NLGN4X: variants seen among roughly 807,000 people sequenced by gnomAD.
NLGN4X encodes neuroligin-4, X-linked.
A neutral mutation model predicts 40.3 loss-of-function variants in NLGN4X; 3 were observed. The observed-to-expected ratio is 0.07, with a 90% CI of 0.03 to 0.19. The LOEUF is 0.19. Among genes scored for constraint, NLGN4X ranks in the 10% least tolerant of loss-of-function variants. The pLI, the probability that NLGN4X is intolerant of heterozygous loss-of-function variation, is 1.00. For synonymous variants in NLGN4X, 270 were observed against 306.8 expected (o/e 0.88, Z 1.25); for missense variants, 382 against 708.3 (o/e 0.54, Z 5.23).
intron 2 of NLGN4X, among the ~76,000 whole-genome samples, chrX:6,073,346 T>C (rs1287111161): frequency 8.9e-6 from 1 of 112,585 alleles, no homozygotes; most frequent in Non-Finnish European, 1.9e-5. Flanking sequence ...GTTGATGGGA[T>C]GAATTAATGA....
At chrX:6,010,720 G>A (rs2036231605) in intron 3 of NLGN4X, among the ~76,000 whole-genome samples, 1 of 109,056 alleles carries the variant, frequency 9.2e-6, no homozygotes, top group South Asian at 4.0e-4. Context: ...GTAGAGACGG[G>A]GTATTGCCAT....
intron 2 of NLGN4X, among the ~76,000 whole-genome samples, chrX:6,107,766 T>C (rs776419156): frequency 1.8e-5 from 2 of 111,925 alleles, no homozygotes; most frequent in African/African-American, 6.5e-5. Context: ...TGTGTACCCA[T>C]TGTTTAGCTC....
At chrX:6,195,531 T>A (rs1922961337) in intron 1 of NLGN4X, among the ~76,000 whole-genome samples, 1 of 112,540 alleles carries the variant, frequency 8.9e-6, no homozygotes, top group South Asian at 3.7e-4. Context: ...CCAAACACAG[T>A]CCCATGATGC....
chrX:6,149,349 C>G (rs949956658), intron 2 of NLGN4X, among the ~76,000 whole-genome samples: 5 of 112,151 alleles, frequency 4.5e-5, no homozygotes, highest in African/African-American at 1.6e-4. Flanking sequence ...TCACCAGACT[C>G]TAGCACATCC....
At chrX:5,991,293 T>C in intron 3 of NLGN4X, 1 of 335,103 alleles carries the variant, frequency 3.0e-6, no homozygotes, top group Non-Finnish European at 5.4e-6. Context: ...TGAGACATTG[T>C]TCTTCTTAGG....
intron 3 of NLGN4X, among the ~76,000 whole-genome samples, chrX:6,009,267 G>A (rs2036185431): frequency 8.9e-6 from 1 of 111,807 alleles, no homozygotes. Flanking sequence ...GGTAGAATTG[G>A]AGTATATACC....
chrX:6,107,917 G>A (rs1272505881), intron 2 of NLGN4X, among the ~76,000 whole-genome samples: 3 of 112,085 alleles, frequency 2.7e-5, no homozygotes, highest in Non-Finnish European at 5.6e-5. Context: ...ATTCTGTGTT[G>A]TAGATGTACT....
chrX:5,899,606 T>TA (rs1288898449), intron 5 of NLGN4X, among the ~76,000 whole-genome samples: 1 of 111,477 alleles, frequency 9.0e-6, no homozygotes, highest in East Asian at 2.8e-4. Context: ...GATGTCTTGG[T>TA]AAAAGCGTCC....
intron 3 of NLGN4X, among the ~76,000 whole-genome samples, chrX:5,980,022 T>C (rs1160002137): frequency 9.3e-6 from 1 of 107,062 alleles, no homozygotes; most frequent in Non-Finnish European, 1.9e-5. Context: ...CATTCTGTAA[T>C]TTTTAGTAAT....
intron 3 of NLGN4X, among the ~76,000 whole-genome samples, chrX:5,964,253 T>C (rs1468737483): frequency 2.7e-5 from 3 of 112,010 alleles, no homozygotes; most frequent in Non-Finnish European, 5.6e-5. Flanking sequence ...AGATGGCTAG[T>C]AGTACATTTG....
intron 3 of NLGN4X, among the ~76,000 whole-genome samples, chrX:6,028,642 G>A (rs764566988): frequency 2.0e-5 from 2 of 101,969 alleles, no homozygotes; most frequent in Non-Finnish European, 3.9e-5. Flanking sequence ...CTGGGCGACA[G>A]AGTGAGATTC....
At chrX:6,209,144 C>T (rs1924329628) in intron 1 of NLGN4X, among the ~76,000 whole-genome samples, 1 of 111,881 alleles carries the variant, frequency 8.9e-6, no homozygotes, top group Non-Finnish European at 1.9e-5. Flanking sequence ...AAGTCAAAAA[C>T]CACATGTCCT....
rs1163767669 is a variant in NLGN4X, at chrX:5,903,633, T to C, written c.1045A>G (p.Ile349Val). Residue 349 changes from isoleucine to valine, a missense_variant, in exon 5 of 6, where the codon ATC becomes GTC. Transcript: ENST00000381095. ...AFGPVIDGDV[I>V]PDDPQILMEQ... ...ATCAGGATCTGGGGGTCGTCTGGGA[T>C]GACGTCGCCGTCGATCACCGGCCCG... 8.3e-7 allele frequency: 1 copy of C among 1,209,522 alleles called. No homozygotes were observed. Among genetic ancestry groups the C allele is most frequent in the Non-Finnish European group, 1.1e-6 (1 of 895,144 alleles).
chrX:6,037,086 G>A (rs1053222557), intron 2 of NLGN4X, among the ~76,000 whole-genome samples: 1 of 110,896 alleles, frequency 9.0e-6, no homozygotes, highest in East Asian at 2.8e-4. Context: ...GTCGAGGTGG[G>A]CGGAGGTCAG....
chrX:6,189,857 C>G (rs1378231782), intron 1 of NLGN4X, among the ~76,000 whole-genome samples: 1 of 109,634 alleles, frequency 9.1e-6, no homozygotes, highest in African/African-American at 3.4e-5. Context: ...TTTATTAAGA[C>G]TCATCCAGGT....
chrX:6,168,733 A>G (rs997763555), intron 1 of NLGN4X, among the ~76,000 whole-genome samples: 2 of 111,028 alleles, frequency 1.8e-5, no homozygotes, highest in African/African-American at 6.6e-5. Context: ...CAGCCTCCCA[A>G]AGTGCTGGGA....
chrX:5,981,799 A>G (rs1020323122), intron 3 of NLGN4X, among the ~76,000 whole-genome samples: 17 of 110,911 alleles, frequency 1.5e-4, no homozygotes, highest in Non-Finnish European at 5.7e-5. Flanking sequence ...TGCTAGGCCA[A>G]TTACATACAT....
intron 2 of NLGN4X, among the ~76,000 whole-genome samples, chrX:6,034,184 CTGTCTTTA>C (rs1351803446): frequency 8.9e-6 from 1 of 112,370 alleles, no homozygotes; most frequent in African/African-American, 3.2e-5. Flanking sequence ...GATCCACTTT[CTGTCTTTA>C]TAAGATTTGC....
intron 1 of NLGN4X, among the ~76,000 whole-genome samples, chrX:6,193,676 A>T (rs1922791190): frequency 9.0e-6 from 1 of 111,386 alleles, no homozygotes; most frequent in Non-Finnish European, 1.9e-5. Flanking sequence ...GAGCACCTAC[A>T]CACATGCATG....
Sources: gnomAD v4.1 joint callset for allele counts (sites outside exome capture counted in the v4.1 genomes callset) on GRCh38, gnomAD v4.1.1 for gene constraint, MANE v1.5 for transcripts, NCBI Gene and HGNC (gene_info 2026-07-23, HGNC 2026-07-21) for gene names.